Variants in PHF21A observed in about 807,000 individuals in gnomAD.
PHF21A encodes the protein BHC80a.
PHF21A carries 11 observed loss-of-function variants against 82.5 expected under a neutral mutation model. The ratio of observed to expected loss-of-function variants is 0.13; its 90% CI spans 0.08 to 0.22. The LOEUF is 0.22. PHF21A is among the 10% of genes least tolerant of loss of function. The probability of loss-of-function intolerance (pLI) is 1.00; values close to 1 mark genes in which losing one functional copy is unlikely to be tolerated. For missense variants in PHF21A, 579 were observed against 837.8 expected, an observed-to-expected ratio of 0.69 and a Z score of 3.81; for synonymous variants, 297 against 302.8, an observed-to-expected ratio of 0.98 and a Z score of 0.20.
At chr11:46,037,801 C>CT (rs555839553) in intron 6 of PHF21A, among the ~76,000 whole-genome samples, 2 of 151,922 alleles carry the variant, frequency 1.3e-5, no homozygotes, top group African/African-American at 2.4e-5. Flanking sequence ...CAGTATGAAT[C>CT]TTTTTTTTCC....
intron 10 of PHF21A, among the ~76,000 whole-genome samples, chr11:45,957,007 A>G (rs1199486324): frequency 6.6e-6 from 1 of 152,212 alleles, no homozygotes; most frequent in African/African-American, 2.4e-5. Flanking sequence ...AAAGTGACTT[A>G]AAGTCAACAA....
At chr11:46,076,648 C>T in intron 6 of PHF21A, 106 bp downstream of exon 6, 2 of 860,196 alleles carry the variant, frequency 2.3e-6, no homozygotes, top group Non-Finnish European at 3.7e-6. Context: ...GCTGCCCACA[C>T]TTATTTTCAC....
At chr11:46,060,059 A>G (rs962698939) in intron 6 of PHF21A, among the ~76,000 whole-genome samples, 1 of 152,300 alleles carries the variant, frequency 6.6e-6, no homozygotes. Context: ...ATTTTTTAAT[A>G]TAAATTTATG....
At chr11:46,042,849 CA>C (rs1378612685) in intron 6 of PHF21A, among the ~76,000 whole-genome samples, 5 of 152,034 alleles carry the variant, frequency 3.3e-5, no homozygotes, top group Non-Finnish European at 7.4e-5. Flanking sequence ...TAGGTCCTCA[CA>C]AAATCTGCTG....
chr11:45,973,607 C>A (rs1203290490), intron 7 of PHF21A, among the ~76,000 whole-genome samples: 1 of 152,092 alleles, frequency 6.6e-6, no homozygotes, highest in South Asian at 2.1e-4. Flanking sequence ...GTGATGAAAA[C>A]CAAATAAAAG....
At chr11:46,021,008 C>T (rs931293933) in intron 6 of PHF21A, among the ~76,000 whole-genome samples, 8 of 151,670 alleles carry the variant, frequency 5.3e-5, no homozygotes, top group African/African-American at 9.7e-5. Flanking sequence ...ACCATAACTC[C>T]ATCATACACT....
chr11:46,120,770 A>T (rs952117014), intron 1 of PHF21A, among the ~76,000 whole-genome samples, 165 bp downstream of exon 1: 12 of 150,692 alleles, frequency 8.0e-5, no homozygotes, highest in Non-Finnish European at 1.3e-4. Flanking sequence ...AACTCCAAGC[A>T]GGCAGCCCCT....
At chr11:46,039,934 T>C (rs1287493833) in intron 6 of PHF21A, among the ~76,000 whole-genome samples, 2 of 152,242 alleles carry the variant, frequency 1.3e-5, no homozygotes, top group Non-Finnish European at 2.9e-5. Context: ...AATACATCTA[T>C]TTTTAAAAAC....
At position 45,933,603 on chromosome 11, in the gene PHF21A, C is replaced by T. The variant is rs146634008; in HGVS notation, c.*365G>A. Reference sequence around the variant, plus strand: ...TGAAACCTGCTCTCCTCCCTCCGCCCGTCCCTGCTCCCCACCCAAGAAAAC... The same window carrying T: ...TGAAACCTGCTCTCCTCCCTCCGCCTGTCCCTGCTCCCCACCCAAGAAAAC... On this transcript the variant is annotated 3_prime_UTR_variant, in exon 19 of 19. Coordinates refer to ENST00000676320, the MANE Select transcript of PHF21A (RefSeq NM_001352027.3). 6.4e-4 allele frequency: 119 copies of T among 185,932 alleles called. No individual in the cohort carries two copies. The highest frequency in any genetic ancestry group is 2.2e-3 in the East Asian group (17 of 7,820). The allele number at this position is 185,932 out of a possible 1,614,324, so 11.5% of individuals were successfully genotyped here.
intron 2 of PHF21A, among the ~76,000 whole-genome samples, chr11:46,091,629 C>A (rs12283184): frequency 6.6e-6 from 1 of 152,138 alleles, no homozygotes; most frequent in Non-Finnish European, 1.5e-5. Flanking sequence ...CAAGTTTCCA[C>A]AGTTAAATTA....
chr11:46,009,128 C>A (rs1303894775), intron 6 of PHF21A, among the ~76,000 whole-genome samples: 1 of 152,018 alleles, frequency 6.6e-6, no homozygotes, highest in African/African-American at 2.4e-5. Flanking sequence ...GCGTGCATCA[C>A]CATGCCCAGC....
intron 6 of PHF21A, among the ~76,000 whole-genome samples, chr11:46,045,614 T>C (rs2096245373): frequency 6.6e-6 from 1 of 152,156 alleles, no homozygotes; most frequent in South Asian, 2.1e-4. Flanking sequence ...AGCACTACAA[T>C]GTATTCAAAA....
At chr11:45,987,912 AATTCTCCC>A (rs1332768933) in intron 6 of PHF21A, among the ~76,000 whole-genome samples, 3 of 152,168 alleles carry the variant, frequency 2.0e-5, no homozygotes, top group African/African-American at 7.2e-5. Context: ...ACACTACAGA[AATTCTCCC>A]ATTCCTCTGC....
intron 6 of PHF21A, among the ~76,000 whole-genome samples, chr11:46,028,659 C>T (rs1339031734): frequency 4.6e-5 from 7 of 150,838 alleles, no homozygotes; most frequent in Admixed American, 6.6e-5. Context: ...CTGCAACCTC[C>T]GCCTCCCAAG....
intron 6 of PHF21A, among the ~76,000 whole-genome samples, chr11:46,067,027 A>T (rs1337861645): frequency 2.0e-5 from 3 of 152,220 alleles, no homozygotes; most frequent in Non-Finnish European, 4.4e-5. Flanking sequence ...TTTAACAGCT[A>T]CATGTTATTC....
chr11:46,038,548 T>C, intron 6 of PHF21A, among the ~76,000 whole-genome samples: 1 of 152,304 alleles, frequency 6.6e-6, no homozygotes, highest in South Asian at 2.1e-4. Flanking sequence ...CTGTTGTTTA[T>C]GATATAATAC....
In PHF21A at chr11:45,936,481, GA is replaced by G. The variant is rs1459176422; in HGVS notation, c.1684+12del. ...GGAAGCTTACAAAAAAGTGGGTATGGATAACTCCTTACCTGCTTTGTAGGCA... is the reference window on the plus strand; with the variant it reads ...GGAAGCTTACAAAAAAGTGGGTATGGTAACTCCTTACCTGCTTTGTAGGCA... On this transcript the variant is annotated intron_variant, in intron 17 of 18. Transcript: ENST00000676320. 1.3e-6 allele frequency: 2 copies of G among 1,569,402 alleles called. No individual in the cohort carries two copies. The highest frequency in any genetic ancestry group is 2.7e-5 in the African/African-American group (2 of 73,762).
intron 6 of PHF21A, among the ~76,000 whole-genome samples, chr11:46,029,991 C>T (rs755518003): frequency 1.3e-5 from 2 of 152,172 alleles, no homozygotes; most frequent in Non-Finnish European, 2.9e-5. Flanking sequence ...TAAATATCCT[C>T]CTCACTCAAA....
At chr11:46,015,728 A>G (rs190618487) in intron 6 of PHF21A, among the ~76,000 whole-genome samples, 42 of 152,314 alleles carry the variant, frequency 2.8e-4, no homozygotes, top group African/African-American at 8.7e-4. Context: ...CTAGGCCTAC[A>G]CAGGGTCACA....
Sources: allele counts gnomAD v4.1 joint callset (sites outside exome capture counted in the v4.1 genomes callset), GRCh38; gene constraint gnomAD v4.1.1; transcripts MANE v1.5; gene names NCBI Gene and HGNC (gene_info 2026-07-23, HGNC 2026-07-21).